Variants in VAT1L observed in about 807,000 individuals in gnomAD.
VAT1L encodes putative NADPH-dependent quinone oxidoreductase VAT1L.
Under a neutral mutation model 44.1 loss-of-function variants are expected in VAT1L, and 34 were observed. The ratio of observed to expected loss-of-function variants is 0.77; its 90% CI spans 0.59 to 1.03. The LOEUF is 1.03. VAT1L is among the 50% of genes least tolerant of loss of function. The pLI is 0.00. For synonymous variants in VAT1L, 253 were observed against 202.2 expected, an observed-to-expected ratio of 1.25 and a Z score of -2.13; for missense variants, 615 against 538.8, an observed-to-expected ratio of 1.14 and a Z score of -1.40.
chr16:77,856,875 C>A (rs1177952885), intron 3 of VAT1L, among the ~76,000 whole-genome samples: 1 of 152,234 alleles, frequency 6.6e-6, no homozygotes, highest in Non-Finnish European at 1.5e-5. Flanking sequence ...CGGATACCTG[C>A]ATTTGACTTC....
intron 3 of VAT1L, among the ~76,000 whole-genome samples, chr16:77,825,871 A>AT: frequency 6.7e-6 from 1 of 149,690 alleles, no homozygotes; most frequent in Non-Finnish European, 1.5e-5. Flanking sequence ...AAAAAAAAAA[A>AT]AATTAGCCGG....
rs148826172 is a variant in VAT1L at position 77,947,564 on chromosome 16, G to A, written c.1078-24286G>A. ...GAAACACACTTCTAGCTGTGTCCAA[G>A]TGAAGACCATGCCCAGCTCCCTCCT... On this transcript the variant is annotated intron_variant, in intron 7 of 8. Coordinates refer to ENST00000302536, the MANE Select transcript of VAT1L (RefSeq NM_020927.3). Among the ~76,000 whole-genome samples the A allele has an allele frequency of 2.4e-3, 367 of 152,246 alleles. 3 individuals are homozygous for A. Among genetic ancestry groups the A allele is most frequent in the Middle Eastern group, 0.01 (3 of 294 alleles).
chr16:77,838,229 T>A (rs1171778162), intron 3 of VAT1L, among the ~76,000 whole-genome samples: 1 of 152,170 alleles, frequency 6.6e-6, no homozygotes, highest in Non-Finnish European at 1.5e-5. Flanking sequence ...TGGGGACCCA[T>A]CCACTTTCCC....
At position 77,977,797 on chromosome 16, in the gene VAT1L, C is replaced by A; in HGVS notation, c.*102C>A. 3 of 1,156,904 alleles carry A rather than the reference C, an allele frequency of 2.6e-6. No homozygotes were observed. Among genetic ancestry groups the A allele is most frequent in the Non-Finnish European group, 2.5e-6 (2 of 805,488 alleles). 71.7% of individuals were successfully genotyped at this position (1,156,904 alleles called of 1,614,324 possible). ...AGTGAACAAATGCTGTAGTCCAGTG[C>A]GTGTCGTGTTTGTCTGCAGTCAGCT... On this transcript the variant is annotated 3_prime_UTR_variant, in exon 9 of 9. Coordinates refer to ENST00000302536, the MANE Select transcript of VAT1L (RefSeq NM_020927.3).
At chr16:77,912,273 A>C (rs2017506829) in intron 7 of VAT1L, among the ~76,000 whole-genome samples, 1 of 152,222 alleles carries the variant, frequency 6.6e-6, no homozygotes, top group African/African-American at 2.4e-5. Flanking sequence ...GATACCATCA[A>C]GGTAGGGGTG....
chr16:77,962,785 A>G (rs28520056), intron 7 of VAT1L, among the ~76,000 whole-genome samples: 5 of 152,100 alleles, frequency 3.3e-5, no homozygotes, highest in African/African-American at 7.2e-5. Context: ...GGAAAGAAAG[A>G]GAAAAGAAAA....
chr16:77,906,074 T>G (rs1279533889), intron 7 of VAT1L, among the ~76,000 whole-genome samples: 5 of 152,214 alleles, frequency 3.3e-5, no homozygotes, highest in Non-Finnish European at 1.5e-5. Flanking sequence ...GTAATGAGTG[T>G]TGAATTAATG....
At chr16:77,907,243 C>T (rs387469) in intron 7 of VAT1L, among the ~76,000 whole-genome samples, 2 of 152,082 alleles carry the variant, frequency 1.3e-5, no homozygotes, top group South Asian at 2.1e-4. Context: ...GTGCCCCATA[C>T]GTATTCCCTG....
At chr16:77,862,965 A>G in intron 4 of VAT1L, 75 bp downstream of exon 4, 1 of 1,511,578 alleles carries the variant, frequency 6.6e-7, no homozygotes, top group South Asian at 1.3e-5. Flanking sequence ...ACTTATTTAA[A>G]AGAGGGATAA....
chr16:77,795,886 C>T (rs955081654), intron 1 of VAT1L, among the ~76,000 whole-genome samples: 6 of 130,980 alleles, frequency 4.6e-5, no homozygotes, highest in Admixed American at 1.9e-4. Flanking sequence ...AGTGCAGTGG[C>T]GCAATTTCGG....
rs758185800 is a variant in VAT1L at position 77,879,773 on chromosome 16, C to A, written c.882+549C>A. Among the ~76,000 whole-genome samples the A allele has an allele frequency of 6.6e-6, 1 of 152,196 alleles. No individual in the cohort carries two copies. Among genetic ancestry groups the A allele is most frequent in the Non-Finnish European group, 1.5e-5 (1 of 68,034 alleles). On this transcript the variant is annotated intron_variant, in intron 6 of 8. Coordinates refer to ENST00000302536, the MANE Select transcript of VAT1L (RefSeq NM_020927.3). The surrounding 1 kb of genome is among the most constrained non-coding windows in gnomAD (Gnocchi z 4.1). ...ACTCAAGAAAGCTACAGCTTTATTT[C>A]AGTCAAAATTGCTTAAGTGTTGGTG...
chr16:77,967,242 G>A (rs894582166), intron 7 of VAT1L, among the ~76,000 whole-genome samples: 2 of 152,152 alleles, frequency 1.3e-5, no homozygotes, highest in African/African-American at 2.4e-5. Context: ...CCAGAGGCAA[G>A]AACCTTGGAT....
At chr16:77,938,351 C>T (rs117570493) in intron 7 of VAT1L, among the ~76,000 whole-genome samples, 134 of 152,248 alleles carry the variant, frequency 8.8e-4, no homozygotes, top group Non-Finnish European at 1.4e-3. Context: ...CAAAACTGAA[C>T]GCTCTGTCAA....
chr16:77,799,465 A>G (rs1412761524), intron 1 of VAT1L, among the ~76,000 whole-genome samples: 1 of 151,144 alleles, frequency 6.6e-6, no homozygotes, highest in East Asian at 2.0e-4. Flanking sequence ...GGTCTAAAAG[A>G]AGGTAAGCAT....
At chr16:77,951,531 G>C (rs2018042845) in intron 7 of VAT1L, among the ~76,000 whole-genome samples, 1 of 151,386 alleles carries the variant, frequency 6.6e-6, no homozygotes, top group African/African-American at 2.4e-5. Context: ...GGGCAATGGA[G>C]TGAGACTCTG....
chr16:77,827,029 G>A (rs147002168), intron 3 of VAT1L, among the ~76,000 whole-genome samples: 1 of 152,184 alleles, frequency 6.6e-6, no homozygotes, highest in South Asian at 2.1e-4. Flanking sequence ...AAGAAAACAA[G>A]CTCACATCCA....
intron 3 of VAT1L, among the ~76,000 whole-genome samples, chr16:77,843,301 G>T (rs2016725717): frequency 6.6e-6 from 1 of 152,166 alleles, no homozygotes; most frequent in East Asian, 1.9e-4. Flanking sequence ...GAGGGCAGGG[G>T]TGAAGCTCAT....
chr16:77,965,616 C>T (rs2018214671), intron 7 of VAT1L, among the ~76,000 whole-genome samples: 1 of 152,164 alleles, frequency 6.6e-6, no homozygotes. Flanking sequence ...TATGGCCAGC[C>T]ACGCAGCTGG....
intron 7 of VAT1L, among the ~76,000 whole-genome samples, chr16:77,949,205 G>C (rs1010201099): frequency 6.6e-6 from 1 of 152,162 alleles, no homozygotes; most frequent in Non-Finnish European, 1.5e-5. Context: ...CAATACACAC[G>C]TGGAGATTAG....
Sources: gnomAD v4.1 joint callset for allele counts (sites outside exome capture counted in the v4.1 genomes callset) on GRCh38, gnomAD v4.1.1 for gene constraint, Gnocchi (gnomAD v3.1) non-coding constraint, MANE v1.5 for transcripts, NCBI Gene and HGNC (gene_info 2026-07-23, HGNC 2026-07-21) for gene names.